Variants in RBFOX1 observed in about 807,000 individuals in gnomAD.
RBFOX1 encodes the protein RNA binding fox-1 homolog 1.
A neutral mutation model predicts 57.7 loss-of-function variants in RBFOX1; 8 were observed. That is an observed-to-expected ratio of 0.14 (90% CI 0.08 to 0.25). RBFOX1 has a LOEUF of 0.25. Among genes scored for constraint, RBFOX1 ranks in the 10% least tolerant of loss-of-function variants. The pLI, the probability that RBFOX1 is intolerant of heterozygous loss-of-function variation, is 1.00. For missense variants in RBFOX1, 611 were observed against 548.5 expected (o/e 1.11, Z -1.14); for synonymous variants, 326 against 222.4 (o/e 1.47, Z -4.15).
In RBFOX1 at chr16:6,581,431, C is replaced by G. The variant is rs144113292; in HGVS notation, c.-63-73172C>G. ...ACTGTTGGCAGCTGGTACAGGCTTC[C>G]TTCCCCCAGCTGTGTTGGCTGTTGT... On this transcript the variant is annotated intron_variant, in intron 2 of 15. Transcript: ENST00000550418. 1.1e-3 allele frequency among the ~76,000 whole-genome samples: 170 copies of G among 152,276 alleles called. 1 individual carries two copies. The East Asian group carries it at 0.024, about 21-fold the overall frequency.
intron 3 of RBFOX1, among the ~76,000 whole-genome samples, chr16:6,744,278 A>G (rs1054843263): frequency 2.0e-5 from 3 of 152,180 alleles, no homozygotes; most frequent in Admixed American, 6.5e-5. Context: ...TAGTCTCTCA[A>G]TAACTGACAG....
chr16:6,366,504 G>A lies in RBFOX1; in HGVS notation c.-64+49447G>A, dbSNP rs146508251. On this transcript the variant is annotated intron_variant, in intron 2 of 15. Coordinates refer to ENST00000550418, the MANE Select transcript of RBFOX1 (RefSeq NM_018723.4). Reference sequence around the variant, plus strand: ...AATATAAGGAGGTAAGAATGGATTCGTTGTCTGAGGCTCAATATGACACCA... The same window carrying A: ...AATATAAGGAGGTAAGAATGGATTCATTGTCTGAGGCTCAATATGACACCA... Among the ~76,000 whole-genome samples the A allele has an allele frequency of 3.6e-3, 552 of 152,198 alleles. 6 individuals are homozygous for A. The highest frequency in any genetic ancestry group is 0.012 in the African/African-American group (493 of 41,526).
At chr16:5,650,232 C>T (rs1021729438) in intron 3 of RBFOX1, among the ~76,000 whole-genome samples, 2 of 152,122 alleles carry the variant, frequency 1.3e-5, no homozygotes, top group African/African-American at 4.8e-5. Flanking sequence ...GCTGCTTGGG[C>T]CAGAGAGGCT....
At chr16:5,892,851 G>C (rs772310563) in intron 4 of RBFOX1, among the ~76,000 whole-genome samples, 6 of 152,210 alleles carry the variant, frequency 3.9e-5, no homozygotes, top group Non-Finnish European at 8.8e-5. Context: ...GAGCATGTGA[G>C]ATTCAGCACC....
chr16:5,425,711 GTCTTTCA>G (rs1258451830), intron 1 of RBFOX1, among the ~76,000 whole-genome samples: 4 of 152,160 alleles, frequency 2.6e-5, no homozygotes, highest in Non-Finnish European at 5.9e-5. Context: ...GTGGCAAGAG[GTCTTTCA>G]TGGAGCAAGA....
At chr16:7,449,729 T>TGGG (rs1194406323) in intron 4 of RBFOX1, among the ~76,000 whole-genome samples, 17 of 76,668 alleles carry the variant, frequency 2.2e-4, no homozygotes, top group African/African-American at 3.3e-4. Flanking sequence ...TGTGTGTGTG[T>TGGG]GGGGGGGGGG....
chr16:5,424,571 A>C (rs2067455835), intron 1 of RBFOX1, among the ~76,000 whole-genome samples: 2 of 150,852 alleles, frequency 1.3e-5, no homozygotes, highest in Admixed American at 6.6e-5. Flanking sequence ...TAACGCATGC[A>C]GGGCTTAATA....
Position 6,724,462 on chromosome 16 carries a change from C to A in RBFOX1, c.-16+69812C>A, listed in dbSNP as rs150055082. Among the ~76,000 whole-genome samples the A allele has an allele frequency of 3.8e-3, 582 of 152,182 alleles. 7 individuals are homozygous for A. The highest frequency in any genetic ancestry group is 0.013 in the African/African-American group (533 of 41,510). On this transcript the variant is annotated intron_variant, in intron 3 of 15. Transcript: ENST00000550418. ...ACCTCAGGTGATCCACCCACCTCGT[C>A]CTCCCAAAGTGCTGGGATTAAAGGC...
At chr16:6,863,457 T>G (rs1360372976) in intron 3 of RBFOX1, among the ~76,000 whole-genome samples, 1 of 152,098 alleles carries the variant, frequency 6.6e-6, no homozygotes, top group Non-Finnish European at 1.5e-5. Context: ...TTTTGCCTTC[T>G]GCTACCTCTG....
At chr16:6,736,835 G>A (rs994089009) in intron 3 of RBFOX1, among the ~76,000 whole-genome samples, 1 of 152,140 alleles carries the variant, frequency 6.6e-6, no homozygotes, top group African/African-American at 2.4e-5. Context: ...TTCCAGATGT[G>A]GATACCCTGG....
chr16:5,598,568 T>C (rs2047263600), intron 2 of RBFOX1, among the ~76,000 whole-genome samples: 1 of 152,248 alleles, frequency 6.6e-6, no homozygotes, highest in African/African-American at 2.4e-5. Flanking sequence ...TTCTAACATG[T>C]AATCGATATA....
intron 3 of RBFOX1, among the ~76,000 whole-genome samples, chr16:5,771,583 A>G (rs1597186376): frequency 1.3e-5 from 2 of 152,064 alleles, no homozygotes. Context: ...TAATTTTTGT[A>G]TTTTTAGCAG....
rs184696074 is a variant in RBFOX1 at position 7,041,185 on chromosome 16, T to C, written c.-15-10872T>C. Among the ~76,000 whole-genome samples the C allele has an allele frequency of 1.2e-4, 18 of 150,790 alleles. No homozygotes were observed. The East Asian group carries it at 3.5e-3, about 29-fold the overall frequency. Reference sequence around the variant, plus strand: ...ATCTGACCTCATGATCCACCCGCCTTGTCCTCCCAAAGTGCTGGGATTACA... The same window carrying C: ...ATCTGACCTCATGATCCACCCGCCTCGTCCTCCCAAAGTGCTGGGATTACA... On this transcript the variant is annotated intron_variant, in intron 3 of 15. Transcript: ENST00000550418.
intron 1 of RBFOX1, among the ~76,000 whole-genome samples, chr16:5,279,667 A>G (rs1326312616): frequency 6.6e-6 from 1 of 151,754 alleles, no homozygotes; most frequent in Non-Finnish European, 1.5e-5. Flanking sequence ...ATGCCTGGCT[A>G]ATTGTTGTAT....
intron 13 of RBFOX1, among the ~76,000 whole-genome samples, chr16:7,669,856 T>TA (rs2070786960): frequency 6.6e-6 from 1 of 152,146 alleles, no homozygotes; most frequent in South Asian, 2.1e-4. Context: ...AGGATTGGCA[T>TA]TTGACTTGCC....
intron 3 of RBFOX1, among the ~76,000 whole-genome samples, chr16:6,656,298 C>T (rs190127977): frequency 6.6e-5 from 10 of 152,186 alleles, no homozygotes; most frequent in Admixed American, 2.6e-4. Context: ...ATGTTTTGTC[C>T]GGTATCTTTT....
intron 2 of RBFOX1, among the ~76,000 whole-genome samples, chr16:5,587,538 C>A (rs1371168381): frequency 6.6e-6 from 1 of 152,082 alleles, no homozygotes; most frequent in African/African-American, 2.4e-5. Context: ...CATGGTGAAA[C>A]CCCGTCTCTA....
chr16:5,409,692 G>T (rs2151460264), intron 1 of RBFOX1, among the ~76,000 whole-genome samples: 1 of 152,270 alleles, frequency 6.6e-6, no homozygotes, highest in Admixed American at 6.5e-5. Context: ...GAGAGAGAGA[G>T]AAATAAACGT....
chr16:6,652,456 A>G lies in RBFOX1; in HGVS notation c.-63-2147A>G, dbSNP rs187642314. On this transcript the variant is annotated intron_variant, in intron 2 of 15. Coordinates refer to ENST00000550418, the MANE Select transcript of RBFOX1 (RefSeq NM_018723.4). Reference sequence around the variant, plus strand: ...AGCTAGACTCCATCTCAGGAAAGAAAAAAAAAAGCCATGGGTCTGTCTCCC... The same window carrying G: ...AGCTAGACTCCATCTCAGGAAAGAAGAAAAAAAGCCATGGGTCTGTCTCCC... Among the ~76,000 whole-genome samples the G allele has an allele frequency of 1.1e-4, 16 of 152,072 alleles. No homozygotes were observed. The East Asian group carries it at 3.1e-3, about 30-fold the overall frequency.
Sources: gnomAD v4.1 joint callset for allele counts (sites outside exome capture counted in the v4.1 genomes callset) on GRCh38, gnomAD v4.1.1 for gene constraint, MANE v1.5 for transcripts, NCBI Gene and HGNC (gene_info 2026-07-23, HGNC 2026-07-21) for gene names.